The following CROCC variants were observed in gnomAD, a reference collection of about 807,000 sequenced individuals.
The protein encoded by CROCC is ciliary rootlet coiled-coil, rootletin, also known as rootletin.
In CROCC, 180 loss-of-function variants were observed where a neutral mutation model predicts 245.2. The ratio of observed to expected loss-of-function variants is 0.73; its 90% CI spans 0.65 to 0.83. The LOEUF (loss-of-function observed/expected upper bound fraction) is 0.83. Among genes scored for constraint, CROCC ranks in the 40% least tolerant of loss-of-function variants. The probability of loss-of-function intolerance (pLI) is 0.00; values close to 1 mark genes in which losing one functional copy is unlikely to be tolerated. For synonymous variants in CROCC, 1,205 were observed against 1,241.6 expected, an observed-to-expected ratio of 0.97 and a Z score of 0.62; for missense variants, 2,688 against 2,779.4, an observed-to-expected ratio of 0.97 and a Z score of 0.74.
chr1:16,917,108 A>G (rs1382384417), upstream of CROCC, among the ~76,000 whole-genome samples: 1 of 152,294 alleles, frequency 6.6e-6, no homozygotes, highest in Non-Finnish European at 1.5e-5. Flanking sequence ...ACAGAGCCAG[A>G]CTCCATCTCA....
chr1:16,939,793 C>T (rs1363702032), intron 12 of CROCC, 101 bp from the exon 13 acceptor site: 2 of 1,402,904 alleles, frequency 1.4e-6, no homozygotes, highest in East Asian at 2.3e-5. Context: ...CCCTGGACCC[C>T]GCCTAGCGTA....
chr1:16,924,486 G>A lies in CROCC; in HGVS notation c.351+7G>A. The stretch of plus-strand genomic sequence containing the variant: ...CAATGCGGTCAGCGAGAGGGTGGGT[G>A]CCGCCCAGGTGGTGGACTAGGCCAG... On this transcript the variant is annotated splice_region_variant and intron_variant, in intron 3 of 36. Coordinates refer to ENST00000375541, the MANE Select transcript of CROCC (RefSeq NM_014675.5). 1 of 1,610,338 alleles carries A rather than the reference G, an allele frequency of 6.2e-7. No individual in the cohort carries two copies. Among genetic ancestry groups the A allele is most frequent in the Non-Finnish European group, 8.5e-7 (1 of 1,177,452 alleles).
intron 19 of CROCC, among the ~76,000 whole-genome samples, chr1:16,949,896 A>G (rs1228210987): frequency 6.6e-6 from 1 of 151,514 alleles, no homozygotes; most frequent in Non-Finnish European, 1.5e-5. Context: ...CAGCCTCCCA[A>G]GTAGCTGGGA....
intron 31 of CROCC, 148 bp downstream of exon 31, chr1:16,968,566 A>T: frequency 1.1e-6 from 1 of 891,396 alleles, no homozygotes. Flanking sequence ...CTGAGAGGTG[A>T]TGTCATTGTC....
At chr1:16,947,029 T>G in intron 17 of CROCC, 38 bp downstream of exon 17, 2 of 1,514,766 alleles carry the variant, frequency 1.3e-6, no homozygotes, top group Non-Finnish European at 1.8e-6. Flanking sequence ...GTGGAGAGCA[T>G]GTGGGGCAGG....
At chr1:16,956,473 G>A (rs2076252140) in intron 25 of CROCC, among the ~76,000 whole-genome samples, 1 of 152,202 alleles carries the variant, frequency 6.6e-6, no homozygotes, top group Non-Finnish European at 1.5e-5. Flanking sequence ...TAGGTCAGAG[G>A]TTGGCAAATG....
rs760165675 is a variant in CROCC at position 16,922,704 on chromosome 1, C to A, written c.102C>A (p.Gly34=). ...TCCTGTGCCAGGAGAAAGGCTTGGG[C>A]GCGCGGGACCTGGCCCAGGACGCTC... is the stretch of plus-strand genomic sequence containing the variant. ...SSVLCQEKGL[G]ARDLAQDAQI... The change falls in exon 2 of 37, where the codon GGC becomes GGA. Residue 34 remains glycine, a synonymous_variant. Transcript: ENST00000375541. 1.9e-6 allele frequency: 3 copies of A among 1,613,590 alleles called. No individual in the cohort carries two copies. Among genetic ancestry groups the A allele is most frequent in the South Asian group, 1.1e-5 (1 of 91,028 alleles).
chr1:16,936,863 C>G lies in CROCC; in HGVS notation c.1183C>G (p.Leu395Val), dbSNP rs12737483. The change falls in exon 9 of 37, where the codon CTC becomes GTC. Residue 395 changes from leucine (L) to valine (V), a missense_variant. This residue lies in a region of CROCC where 972 missense variants were observed against 895.3 expected (regional missense o/e 1.09). Transcript: ENST00000375541. ...GCAAAGCGACCTGGACAAGGCTGAC[C>G]TCAGTGCCAGGTGGGTACCTGGTGG... ...QMQSDLDKAD[L>V]SARVTELGLA... The G allele has an allele frequency of 1.9e-6, 3 of 1,610,146 alleles. No homozygotes were observed. The highest frequency in any genetic ancestry group is 1.1e-5 in the South Asian group (1 of 90,816).
chr1:16,958,644 G>T lies in CROCC; in HGVS notation c.3926G>T (p.Arg1309Leu), dbSNP rs769720459. The T allele has an allele frequency of 1.3e-6, 2 of 1,555,860 alleles. No individual in the cohort carries two copies. Among genetic ancestry groups the T allele is most frequent in the Admixed American group, 3.9e-5 (2 of 51,498 alleles). ...LGRELAELQGRLALGERAEKE... is the reference protein window; with the variant it reads ...LGRELAELQGLLALGERAEKE... ...CGGGAGCTGGCGGAGCTGCAGGGCCGCCTGGCGCTGGGCGAGCGGGCAGAG... is the reference window on the plus strand; with the variant it reads ...CGGGAGCTGGCGGAGCTGCAGGGCCTCCTGGCGCTGGGCGAGCGGGCAGAG... Residue 1309 changes from arginine to leucine, a missense_variant, in exon 26 of 37, where the codon CGC becomes CTC. Arg to Leu is a moderately radical substitution (Grantham distance 102). Coordinates refer to ENST00000375541, the MANE Select transcript of CROCC (RefSeq NM_014675.5).
At position 16,935,432 on chromosome 1, in the gene CROCC, T is replaced by G. The variant is rs192738331; in HGVS notation, c.957-1205T>G. Among the ~76,000 whole-genome samples, 7 of 152,276 alleles carry G rather than the reference T, an allele frequency of 4.6e-5. No individual in the cohort carries two copies. The East Asian group carries it at 1.4e-3, about 29-fold the overall frequency. On this transcript the variant is annotated intron_variant, in intron 8 of 36. Transcript: ENST00000375541. ...ACTGGTTTTTTTGTTTTGTTTTGTT[T>G]TGTTTTGAGACATAGTCTCACTCTG...
At chr1:16,959,254 C>T (rs2076293685) in intron 26 of CROCC, among the ~76,000 whole-genome samples, 2 of 152,138 alleles carry the variant, frequency 1.3e-5, no homozygotes, top group African/African-American at 4.8e-5. Context: ...AAACGCCTGA[C>T]CTCAGGTGAT....
chr1:16,930,456 C>T lies in CROCC; in HGVS notation c.711C>T (p.Ala237=). The T allele has an allele frequency of 6.2e-7, 1 of 1,612,132 alleles. No homozygotes were observed. The highest frequency in any genetic ancestry group is 8.5e-7 in the Non-Finnish European group (1 of 1,179,852). Residue 237 remains alanine (A), a synonymous_variant, in exon 7 of 37, where the codon GCC becomes GCT. Transcript: ENST00000375541. Reference sequence around the variant, plus strand: ...GTGCCAGCCTGGCCCAGGTGAATGCCATGCTCCGAGAACAGCTGGACCAGG... The same window carrying T: ...GTGCCAGCCTGGCCCAGGTGAATGCTATGCTCCGAGAACAGCTGGACCAGG... ...QRSASLAQVN[A]MLREQLDQAG... is the part of the protein sequence containing the mutation.
intron 25 of CROCC, among the ~76,000 whole-genome samples, chr1:16,957,776 T>C (rs1006982255): frequency 6.6e-6 from 1 of 152,160 alleles, no homozygotes; most frequent in Non-Finnish European, 1.5e-5. Context: ...AAAAATTGTT[T>C]TTAATTACAA....
rs751897293 is a variant in CROCC at position 16,969,171 on chromosome 1, A to G, written c.5132A>G (p.Asn1711Ser). Residue 1711 changes from asparagine to serine, a missense_variant, in exon 32 of 37, where the codon AAT becomes AGT. Physicochemically the swap from Asn to Ser is conservative, Grantham distance 46. Around this residue, in one of 9 missense-constraint regions of CROCC, gnomAD observed 1,218 missense variants for 1,286.3 expected, o/e 0.95. Coordinates refer to ENST00000375541, the MANE Select transcript of CROCC (RefSeq NM_014675.5). ...CTGCAGCTGACCGTGGAGCGGCTGA[A>G]TGGGGCCCTGGCTAAGGTGGAGGAA... ...GTLQLTVERL[N>S]GALAKVEESE... 241 of 1,611,062 alleles carry G rather than the reference A, an allele frequency of 1.5e-4. 1 individual carries two copies. The highest frequency in any genetic ancestry group is 2.0e-4 in the Non-Finnish European group (233 of 1,178,988).
At position 16,940,127 on chromosome 1, in the gene CROCC, G is replaced by C. The variant is rs769344078; in HGVS notation, c.1808+34G>C. The C allele has an allele frequency of 5.8e-5, 91 of 1,565,848 alleles. No individual in the cohort carries two copies. In the African/African-American group the frequency reaches 1.1e-3, roughly 19 times the overall value. On this transcript the variant is annotated intron_variant, in intron 13 of 36. Transcript: ENST00000375541. ...GAGGTCTGAGCTGGGGGGTACTGAA[G>C]AATAAGTCACCGTCTGGGCATAACA...
intron 13 of CROCC, among the ~76,000 whole-genome samples, chr1:16,942,883 A>T (rs1220582483): frequency 6.6e-6 from 1 of 152,260 alleles, no homozygotes; most frequent in Non-Finnish European, 1.5e-5. Context: ...AGGCGGGTGG[A>T]TCACTTGAGG....
At position 16,948,486 on chromosome 1, in the gene CROCC, T is replaced by G. The variant is rs1570666075; in HGVS notation, c.2670T>G (p.Arg890=). 1 of 1,553,308 alleles carries G rather than the reference T, an allele frequency of 6.4e-7. No individual in the cohort carries two copies. Among genetic ancestry groups the G allele is most frequent in the South Asian group, 1.2e-5 (1 of 84,248 alleles). Reference sequence around the variant, plus strand: ...CTGTGCAGCTGGTGGCTGCGGAGCGTGAAGGCAGGACCCTGTCAGAGGAGG... The same window carrying G: ...CTGTGCAGCTGGTGGCTGCGGAGCGGGAAGGCAGGACCCTGTCAGAGGAGG... ...GLAVQLVAAE[R]EGRTLSEEAT... is the part of the protein sequence containing the mutation. Residue 890 remains arginine (R), a synonymous_variant, in exon 18 of 37, where the codon CGT becomes CGG. Coordinates refer to ENST00000375541, the MANE Select transcript of CROCC (RefSeq NM_014675.5).
chr1:16,942,719 C>T (rs1240836399), intron 13 of CROCC, among the ~76,000 whole-genome samples: 6 of 152,276 alleles, frequency 3.9e-5, no homozygotes, highest in African/African-American at 1.4e-4. Context: ...TGAGAGTAAA[C>T]CCAAGCTTTC....
At position 16,970,106 on chromosome 1, in the gene CROCC, G is replaced by GTC; in HGVS notation, c.5452-147_5452-146insTC. The GTC allele has an allele frequency of 3.4e-6, 4 of 1,189,438 alleles. No homozygotes were observed. In the South Asian group the frequency reaches 6.4e-5, roughly 19 times the overall value. The allele number at this position is 1,189,438 out of a possible 1,614,324, so 73.7% of individuals were successfully genotyped here. ...ATACAGATGGAGAAACAGACTGAGA[G>GTC]AGACAGGTTTGGCTTCAGGTGACAA... On this transcript the variant is annotated intron_variant, in intron 33 of 36. Coordinates refer to ENST00000375541, the MANE Select transcript of CROCC (RefSeq NM_014675.5).
Sources: gnomAD v4.1 joint callset for allele counts (sites outside exome capture counted in the v4.1 genomes callset) on GRCh38, gnomAD v4.1.1 for gene constraint, gnomAD v4.1.1 regional missense constraint, MANE v1.5 for transcripts, NCBI Gene and HGNC (gene_info 2026-07-23, HGNC 2026-07-21) for gene names.